The following IFI30 variants were observed in gnomAD, a reference collection of about 807,000 sequenced individuals.
IFI30 encodes the protein IFI30 lysosomal thiol reductase.
Under a neutral mutation model 30.1 loss-of-function variants are expected in IFI30, and 26 were observed. The observed-to-expected ratio is 0.87, with a 90% CI of 0.63 to 1.20. The LOEUF (loss-of-function observed/expected upper bound fraction) is 1.20, where lower values mean the gene tolerates loss of function less well. Among genes scored for constraint, IFI30 ranks in the 50% most tolerant of loss-of-function variants. The pLI, the probability that IFI30 is intolerant of heterozygous loss-of-function variation, is 0.00. For synonymous variants in IFI30, 149 were observed against 134.5 expected (o/e 1.11, Z -0.75); for missense variants, 296 against 312.5 (o/e 0.95, Z 0.40).
At chr19:18,174,827 G>C (rs1006609700) in intron 1 of IFI30, 1 of 529,610 alleles carries the variant, frequency 1.9e-6, no homozygotes, top group African/African-American at 1.9e-5. Context: ...AGCCGAGATC[G>C]TGCCGCAGCA....
intron 1 of IFI30, 156 bp from the exon 2 acceptor site, chr19:18,174,884 A>G (rs958319145): frequency 2.0e-5 from 12 of 585,414 alleles, no homozygotes; most frequent in African/African-American, 1.9e-4. Context: ...AAAAAAAAAA[A>G]GTCTCAAAGT....
intron 5 of IFI30, 156 bp from the exon 6 acceptor site, chr19:18,177,555 C>G: frequency 1.1e-6 from 1 of 920,098 alleles, no homozygotes. Flanking sequence ...TTAAACATCC[C>G]TAGCCACCCC....
chr19:18,176,083 C>T (rs1317719122), intron 4 of IFI30, among the ~76,000 whole-genome samples: 4 of 149,900 alleles, frequency 2.7e-5, no homozygotes, highest in East Asian at 2.0e-4. Flanking sequence ...CCTTGTGATC[C>T]GCCTGCCTTG....
At chr19:18,174,977 G>A in intron 1 of IFI30, 63 bp from the exon 2 acceptor site, 2 of 1,339,954 alleles carry the variant, frequency 1.5e-6, no homozygotes, top group Non-Finnish European at 2.1e-6. Context: ...TACCAAGTGG[G>A]GTTGAGAGAA....
chr19:18,173,940 C>T lies in IFI30; in HGVS notation c.99C>T (p.Asp33=), dbSNP rs999291819. The T allele has an allele frequency of 1.9e-6, 3 of 1,551,568 alleles. No individual in the cohort carries two copies. Among genetic ancestry groups the T allele is most frequent in the Admixed American group, 3.9e-5 (2 of 51,036 alleles). The change falls in exon 1 of 7, where the codon GAC becomes GAT. Residue 33 remains aspartate (D), a synonymous_variant. Coordinates refer to ENST00000407280, the MANE Select transcript of IFI30 (RefSeq NM_006332.5). ...AVQASPLQAL[D]FFGNGPPVNY... is the part of the protein sequence containing the mutation. ...AGGCGTCCCCTCTGCAAGCGTTAGA[C>T]TTCTTTGGGAATGGGCCACCAGTTA...
chr19:18,177,154 C>T lies in IFI30; in HGVS notation c.498C>T (p.Tyr166=), dbSNP rs766871395. ...ERSLPLCLQL[Y]APGLSPDTIM... is the part of the protein sequence containing the mutation. Reference sequence around the variant, plus strand: ...CACCCACCCAGTGCCTGCAGCTCTACGCCCCAGGGCTGTCGCCAGACACTA... The same window carrying T: ...CACCCACCCAGTGCCTGCAGCTCTATGCCCCAGGGCTGTCGCCAGACACTA... The change falls in exon 5 of 7, where the codon TAC becomes TAT. Residue 166 remains tyrosine, a synonymous_variant. Coordinates refer to ENST00000407280, the MANE Select transcript of IFI30 (RefSeq NM_006332.5). 42 of 1,542,474 alleles carry T rather than the reference C, an allele frequency of 2.7e-5. No individual in the cohort carries two copies. The highest frequency in any genetic ancestry group is 5.7e-5 in the Admixed American group (3 of 52,616).
At position 18,177,935 on chromosome 19, in the gene IFI30, C is replaced by T. The variant is rs1224851205; in HGVS notation, c.*24C>T. On this transcript the variant is annotated 3_prime_UTR_variant, in exon 7 of 7. Transcript: ENST00000407280. ...GATGGCCGGTGAGCTGCGGAGAGCT[C>T]ATGGAAGGCGAGTGGGAACCCGGCT... is the stretch of plus-strand genomic sequence containing the variant. 3.8e-6 allele frequency: 6 copies of T among 1,570,038 alleles called. No homozygotes were observed. Among genetic ancestry groups the T allele is most frequent in the Non-Finnish European group, 5.2e-6 (6 of 1,157,706 alleles).
chr19:18,175,567 C>T (rs374019360), intron 3 of IFI30, 38 bp from the exon 4 acceptor site: 160 of 1,562,954 alleles, frequency 1.0e-4, no homozygotes, highest in Non-Finnish European at 1.4e-4. Context: ...ACCCTAGGCC[C>T]TCTTCATGCC....
At chr19:18,175,566 C>T (rs751204472) in intron 3 of IFI30, 39 bp from the exon 4 acceptor site, 60 of 1,554,960 alleles carry the variant, frequency 3.9e-5, no homozygotes, top group Admixed American at 7.4e-5. Flanking sequence ...TACCCTAGGC[C>T]CTCTTCATGC....
In IFI30 at chr19:18,175,716, T is replaced by G; in HGVS notation, c.483+19T>G. On this transcript the variant is annotated intron_variant, in intron 4 of 6. Coordinates refer to ENST00000407280, the MANE Select transcript of IFI30 (RefSeq NM_006332.5). ...GCCACTAGTGAGTGACGCCCCTCACTCCACCCAAGGAGGGGGACATGGGTG... is the reference window on the plus strand; with the variant it reads ...GCCACTAGTGAGTGACGCCCCTCACGCCACCCAAGGAGGGGGACATGGGTG... 2 of 1,582,330 alleles carry G rather than the reference T, an allele frequency of 1.3e-6. No homozygotes were observed. The highest frequency in any genetic ancestry group is 2.7e-5 in the African/African-American group (2 of 74,400).
At position 18,175,293 on chromosome 19, in the gene IFI30, C is replaced by T; in HGVS notation, c.316-18C>T. 6.3e-7 allele frequency: 1 copy of T among 1,579,900 alleles called. No homozygotes were observed. Among genetic ancestry groups the T allele is most frequent in the Non-Finnish European group, 8.6e-7 (1 of 1,163,540 alleles). ...GGGACCCAGCCTACCAGCAGGCTCT[C>T]ACCCTGCTGCCTTGCAGGAACAAAA... On this transcript the variant is annotated intron_variant, in intron 2 of 6. Coordinates refer to ENST00000407280, the MANE Select transcript of IFI30 (RefSeq NM_006332.5).
rs372458166 is a variant in IFI30, at chr19:18,177,129, C to T, written c.484-11C>T. The T allele has an allele frequency of 1.8e-4, 275 of 1,539,280 alleles. 1 individual carries two copies. In the African/African-American group the frequency reaches 3.7e-3, roughly 20 times the overall value. ...GAAGCTGAGGCAACCCCCTGCTCCCCACCCACCCAGTGCCTGCAGCTCTAC... is the reference window on the plus strand; with the variant it reads ...GAAGCTGAGGCAACCCCCTGCTCCCTACCCACCCAGTGCCTGCAGCTCTAC... On this transcript the variant is annotated splice_polypyrimidine_tract_variant and intron_variant, in intron 4 of 6. Coordinates refer to ENST00000407280, the MANE Select transcript of IFI30 (RefSeq NM_006332.5).
intron 1 of IFI30, chr19:18,174,186 C>G: frequency 3.8e-6 from 2 of 527,302 alleles, no homozygotes; most frequent in Non-Finnish European, 6.7e-6. Flanking sequence ...ATCTGAGAGG[C>G]GCAGCTGCCT....
rs1967288153 is a variant in IFI30 at position 18,177,603 on chromosome 19, G to A, written c.637-108G>A. 1.1e-5 allele frequency: 14 copies of A among 1,304,552 alleles called. 1 individual carries two copies. The highest frequency in any genetic ancestry group is 2.5e-5 in the South Asian group (2 of 79,660). The allele number at this position is 1,304,552 out of a possible 1,614,324, so 80.8% of individuals were successfully genotyped here. On this transcript the variant is annotated intron_variant, in intron 5 of 6. Coordinates refer to ENST00000407280, the MANE Select transcript of IFI30 (RefSeq NM_006332.5). ...TGTGCCACTGATTTGCGAGGCGGGA[G>A]GCGGGGGCCAGACTTGGGAATATGT... is the stretch of plus-strand genomic sequence containing the variant.
chr19:18,175,474 C>T, intron 3 of IFI30, 89 bp downstream of exon 3: 2 of 1,404,848 alleles, frequency 1.4e-6, no homozygotes, highest in Non-Finnish European at 2.0e-6. Flanking sequence ...CTGTCTTCTG[C>T]CTCGTGTGCT....
In IFI30 at chr19:18,173,879, T is replaced by G; in HGVS notation, c.38T>G (p.Leu13Arg). 1 of 1,317,292 alleles carries G rather than the reference T, an allele frequency of 7.6e-7. No homozygotes were observed. Among genetic ancestry groups the G allele is most frequent in the East Asian group, 2.9e-5 (1 of 33,910 alleles). The allele number at this position is 1,317,292 out of a possible 1,614,324, so 81.6% of individuals were successfully genotyped here. The part of the protein sequence containing the change: ...LSPLLLFLPP[L>R]LLLLDVPTAA... ...CCACTTCTGCTGTTCCTGCCACCGC[T>G]GCTGCTGCTGCTGGACGTCCCCACG... is the stretch of plus-strand genomic sequence containing the variant. The change falls in exon 1 of 7, where the codon CTG becomes CGG. Residue 13 changes from leucine (L) to arginine (R), a missense_variant. Coordinates refer to ENST00000407280, the MANE Select transcript of IFI30 (RefSeq NM_006332.5).
rs1406439026 is a variant in IFI30 at position 18,177,887 on chromosome 19, CCTCAGGA to C, written c.730_736del (p.Leu244ValfsTer9). ...ATGTCTGCCCTTCCTCAACCAGCTC[CCTCAGGA>C]GTGTTTGCTTCAAGTGATGGCCGGT... On this transcript the variant is annotated frameshift_variant, in exon 7 of 7. Transcript: ENST00000407280. LOFTEE classifies it high-confidence loss of function. 1 of 1,595,460 alleles carries C rather than the reference CCTCAGGA, an allele frequency of 6.3e-7. No individual in the cohort carries two copies. The highest frequency in any genetic ancestry group is 1.3e-5 in the African/African-American group (1 of 74,466).
intron 5 of IFI30, 152 bp from the exon 6 acceptor site, chr19:18,177,559 C>A: frequency 1.1e-6 from 1 of 930,054 alleles, no homozygotes; most frequent in Non-Finnish European, 1.7e-6. Flanking sequence ...ACATCCCTAG[C>A]CACCCCCATT....
At chr19:18,174,051 G>T in intron 1 of IFI30, 78 bp downstream of exon 1, 1 of 1,378,884 alleles carries the variant, frequency 7.3e-7, no homozygotes, top group South Asian at 1.4e-5. Context: ...TTTCTCCCCA[G>T]ACTTCACAGG....
Sources: gnomAD v4.1 joint callset for allele counts (sites outside exome capture counted in the v4.1 genomes callset) on GRCh38, gnomAD v4.1.1 for gene constraint, MANE v1.5 for transcripts, NCBI Gene and HGNC (gene_info 2026-07-23, HGNC 2026-07-21) for gene names.